MLANA: variants seen among roughly 807,000 people sequenced by gnomAD.
MLANA encodes melanoma antigen recognized by T-cells 1.
Under a neutral mutation model 15.7 loss-of-function variants are expected in MLANA, and 21 were observed. That is an observed-to-expected ratio of 1.33 (90% CI 0.95 to 1.92). The LOEUF is 1.92. Ranked by LOEUF, MLANA falls within the 40% of genes most tolerant of loss-of-function variation. MLANA has a pLI of 0.00. For missense variants in MLANA, 164 were observed against 143.8 expected, an observed-to-expected ratio of 1.14 and a Z score of -0.72; for synonymous variants, 56 against 51.5, an observed-to-expected ratio of 1.09 and a Z score of -0.37.
At chr9:5,907,677 G>A (rs1177504072) in intron 4 of MLANA, among the ~76,000 whole-genome samples, 1 of 152,198 alleles carries the variant, frequency 6.6e-6, no homozygotes, top group Non-Finnish European at 1.5e-5. Context: ...ATATGGCTGG[G>A]CATGGTGGCT....
intron 3 of MLANA, among the ~76,000 whole-genome samples, chr9:5,897,855 T>C (rs1482900115): frequency 6.6e-6 from 1 of 152,230 alleles, no homozygotes; most frequent in Non-Finnish European, 1.5e-5. Flanking sequence ...ACCAGGAACT[T>C]GCCCTGTGTC....
intron 4 of MLANA, among the ~76,000 whole-genome samples, chr9:5,908,341 T>C (rs560396571): frequency 6.6e-6 from 1 of 152,370 alleles, no homozygotes; most frequent in Non-Finnish European, 1.5e-5. Context: ...ATAAATAGCA[T>C]TCAATGATTC....
In MLANA at chr9:5,905,310, T is replaced by C. The variant is rs75239189; in HGVS notation, c.175-1575T>C. Among the ~76,000 whole-genome samples, 865 of 152,302 alleles carry C rather than the reference T, an allele frequency of 5.7e-3. 11 individuals are homozygous for C. Among genetic ancestry groups the C allele is most frequent in the African/African-American group, 0.02 (825 of 41,560 alleles). On this transcript the variant is annotated intron_variant, in intron 3 of 4. Transcript: ENST00000381477. ...CCAGGGAAACCTGAAAAACTGAGTG[T>C]TGGCCATGACGGGAAGGGAGGTGAG...
chr9:5,897,516 T>C (rs1832108192), intron 2 of MLANA, 41 bp from the exon 3 acceptor site: 1 of 1,533,774 alleles, frequency 6.5e-7, no homozygotes, highest in East Asian at 2.2e-5. Flanking sequence ...TGTAGAACAA[T>C]GTTTCAATGA....
chr9:5,902,166 T>A (rs1161419927), intron 3 of MLANA, among the ~76,000 whole-genome samples: 4 of 152,212 alleles, frequency 2.6e-5, no homozygotes, highest in African/African-American at 9.7e-5. Context: ...AAAGTTATTA[T>A]TGATTCAATT....
intron 2 of MLANA, among the ~76,000 whole-genome samples, chr9:5,892,852 G>C (rs1831741969): frequency 6.6e-6 from 1 of 152,138 alleles, no homozygotes. Context: ...ATCTGTTCAG[G>C]ATCACAATGC....
At chr9:5,902,643 T>C (rs1222141236) in intron 3 of MLANA, among the ~76,000 whole-genome samples, 1 of 151,698 alleles carries the variant, frequency 6.6e-6, no homozygotes, top group Non-Finnish European at 1.5e-5. Context: ...GATTATAGCA[T>C]GTGCCTCCAG....
rs1047930372 is a variant in MLANA, at chr9:5,893,561, G to A, written c.77+1010G>A. On this transcript the variant is annotated intron_variant, in intron 2 of 4. Transcript: ENST00000381477. ...CTGGCCAATTGGAGATGAGGGCGGC[G>A]GTATCTTCTCAGAAAATGTCCTGAC... is the stretch of plus-strand genomic sequence containing the variant. Among the ~76,000 whole-genome samples, 4 of 152,052 alleles carry A rather than the reference G, an allele frequency of 2.6e-5. No individual in the cohort carries two copies. In the South Asian group the frequency reaches 6.2e-4, roughly 24 times the overall value.
At position 5,897,687 on chromosome 9, in the gene MLANA, A is replaced by C. The variant is rs569683052; in HGVS notation, c.174+34A>C. On this transcript the variant is annotated intron_variant, in intron 3 of 4. Coordinates refer to ENST00000381477, the MANE Select transcript of MLANA (RefSeq NM_005511.2). ...AGTTCCCACTGCTGAAATCCCTCCA[A>C]GTCCAGGGCCCTCTTTCCAGTTCTT... 9 of 1,546,232 alleles carry C rather than the reference A, an allele frequency of 5.8e-6. No individual in the cohort carries two copies. The South Asian group carries it at 8.9e-5, about 15-fold the overall frequency.
At chr9:5,901,807 C>A (rs1281309290) in intron 3 of MLANA, among the ~76,000 whole-genome samples, 1 of 152,226 alleles carries the variant, frequency 6.6e-6, no homozygotes, top group Non-Finnish European at 1.5e-5. Flanking sequence ...CAGGCGTGAG[C>A]CACCACGCCT....
chr9:5,907,756 C>G (rs1475489043), intron 4 of MLANA, among the ~76,000 whole-genome samples: 2 of 152,184 alleles, frequency 1.3e-5, no homozygotes, highest in African/African-American at 4.8e-5. Context: ...AGCTCGAGAC[C>G]AGCCTGGCAA....
rs952753617 is a variant in MLANA at position 5,909,807 on chromosome 9, A to C, written c.*1099A>C. ...CAAGAATGTGCAGAAGAAATCATAAAGGATCAGAGATTCTGGAATGGTGTC... is the reference window on the plus strand; with the variant it reads ...CAAGAATGTGCAGAAGAAATCATAACGGATCAGAGATTCTGGAATGGTGTC... On this transcript the variant is annotated 3_prime_UTR_variant, in exon 5 of 5. Coordinates refer to ENST00000381477, the MANE Select transcript of MLANA (RefSeq NM_005511.2). 3 of 152,264 alleles carry C rather than the reference A, an allele frequency of 2.0e-5. No individual in the cohort carries two copies. The highest frequency in any genetic ancestry group is 1.3e-4 in the Admixed American group (2 of 15,290). 9.4% of individuals were successfully genotyped at this position (152,264 alleles called of 1,614,324 possible). A position where few individuals can be genotyped will look rare whatever the true frequency, so the allele number is the denominator to read the frequency against.
rs914551290 is a variant in MLANA, at chr9:5,909,641, G to T, written c.*933G>T. 1 of 152,222 alleles carries T rather than the reference G, an allele frequency of 6.6e-6. No homozygotes were observed. Among genetic ancestry groups the T allele is most frequent in the Admixed American group, 6.5e-5 (1 of 15,290 alleles). The allele number at this position is 152,222 out of a possible 1,614,324, so 9.4% of individuals were successfully genotyped here. A position where few individuals can be genotyped will look rare whatever the true frequency, so the allele number is the denominator to read the frequency against. On this transcript the variant is annotated 3_prime_UTR_variant, in exon 5 of 5. Coordinates refer to ENST00000381477, the MANE Select transcript of MLANA (RefSeq NM_005511.2). ...TCAATGCTATTCTAACTAATGACAA[G>T]TATTTTCTACTAAACCAGAAATTGG...
At chr9:5,902,400 A>C (rs939101128) in intron 3 of MLANA, among the ~76,000 whole-genome samples, 2 of 151,662 alleles carry the variant, frequency 1.3e-5, no homozygotes, top group Non-Finnish European at 2.9e-5. Context: ...AATTTTATTG[A>C]TCTTTTCCCA....
chr9:5,895,820 T>C (rs766481655), intron 2 of MLANA, among the ~76,000 whole-genome samples: 6 of 152,382 alleles, frequency 3.9e-5, no homozygotes, highest in Non-Finnish European at 8.8e-5. Flanking sequence ...TCTTCCAATG[T>C]GTCAGGCATA....
intron 3 of MLANA, among the ~76,000 whole-genome samples, chr9:5,902,542 G>A (rs994372748): frequency 6.6e-6 from 1 of 150,992 alleles, no homozygotes; most frequent in African/African-American, 2.4e-5. Context: ...ATAGCTCACT[G>A]TTACCTTGAA....
chr9:5,903,101 GTGT>G (rs142620647), intron 3 of MLANA, among the ~76,000 whole-genome samples: 4,264 of 152,250 alleles, frequency 0.028, 88 homozygotes, highest in South Asian at 0.051. Context: ...ATGTAGAAGT[GTGT>G]TGTTTAATCT....
rs565898985 is a variant in MLANA, at chr9:5,896,648, C to A, written c.78-909C>A. 1.3e-4 allele frequency among the ~76,000 whole-genome samples: 20 copies of A among 152,296 alleles called. No individual in the cohort carries two copies. In the South Asian group the frequency reaches 3.9e-3, roughly 30 times the overall value. On this transcript the variant is annotated intron_variant, in intron 2 of 4. Coordinates refer to ENST00000381477, the MANE Select transcript of MLANA (RefSeq NM_005511.2). ...CCACAGATAACAGAGTCAGTTCTGT[C>A]GATTTTGATCATGCTGTGATCAGGC...
chr9:5,906,831 A>T, intron 3 of MLANA, 54 bp from the exon 4 acceptor site: 1 of 1,196,910 alleles, frequency 8.4e-7, no homozygotes, highest in African/African-American at 1.6e-5. Flanking sequence ...TCTTTTCTTT[A>T]ATGGATTCAG....
Sources: allele counts gnomAD v4.1 joint callset (sites outside exome capture counted in the v4.1 genomes callset), GRCh38; gene constraint gnomAD v4.1.1; transcripts MANE v1.5; gene names NCBI Gene and HGNC (gene_info 2026-07-23, HGNC 2026-07-21).